Variants in MYO9B observed in about 807,000 individuals in gnomAD.
The protein encoded by MYO9B is myosin IXB.
In MYO9B, 71 loss-of-function variants were observed where a neutral mutation model predicts 229.5. The ratio of observed to expected loss-of-function variants is 0.31; its 90% confidence interval spans 0.26 to 0.38. The LOEUF (loss-of-function observed/expected upper bound fraction) is 0.38, where lower values mean the gene tolerates loss of function less well. Ranked by LOEUF, MYO9B falls within the 10% of genes least tolerant of loss-of-function variation. The probability of loss-of-function intolerance (pLI) is 1.00; values close to 1 mark genes in which losing one functional copy is unlikely to be tolerated. For synonymous variants in MYO9B, 1,185 were observed against 1,235.8 expected, an observed-to-expected ratio of 0.96 and a Z score of 0.86; for missense variants, 2,255 against 2,920.5, an observed-to-expected ratio of 0.77 and a Z score of 5.25.
At chr19:17,207,808 C>G (rs537278881) in intron 35 of MYO9B, 3 of 151,968 alleles carry the variant, frequency 2.0e-5, no homozygotes, top group African/African-American at 7.3e-5. Context: ...GTCGGGAGTT[C>G]GAGACGAGCC....
intron 20 of MYO9B, 27 bp from the exon 21 acceptor site, chr19:17,192,719 G>T: frequency 6.7e-7 from 1 of 1,496,352 alleles, no homozygotes; most frequent in South Asian, 1.3e-5. Context: ...CAGTGCAGCT[G>T]ACCCCACCTG....
rs759327014 is a variant in MYO9B, at chr19:17,206,059, C to T, written c.5164C>T (p.His1722Tyr). ...CATCGTGCTGGAGAAGCTCCTGGAACACGTGGAGATGCACGGCCTGTACAC... is the reference window on the plus strand; with the variant it reads ...CATCGTGCTGGAGAAGCTCCTGGAATACGTGGAGATGCACGGCCTGTACAC... ...VPIVLEKLLE[H>Y]VEMHGLYTEG... Residue 1722 changes from histidine to tyrosine, a missense_variant, in exon 32 of 40, where the codon CAC (histidine) becomes TAC (tyrosine). Physicochemically the swap from His to Tyr is moderately conservative, Grantham distance 83 (BLOSUM62 2). Coordinates refer to ENST00000682292, the MANE Select transcript of MYO9B (RefSeq NM_004145.4). The T allele has an allele frequency of 1.2e-6, 2 of 1,610,948 alleles. No homozygotes were observed.
At chr19:17,146,863 A>C (rs2072417479) in intron 3 of MYO9B, among the ~76,000 whole-genome samples, 2 of 152,168 alleles carry the variant, frequency 1.3e-5, no homozygotes, top group Non-Finnish European at 2.9e-5. Context: ...CTGCTGTGTC[A>C]ATGGGATTTG....
chr19:17,112,962 C>T (rs1045961506), intron 2 of MYO9B, among the ~76,000 whole-genome samples: 5 of 152,220 alleles, frequency 3.3e-5, no homozygotes, highest in Non-Finnish European at 7.3e-5. Flanking sequence ...GGGCATAGGC[C>T]ACAGACCGGA....
At chr19:17,092,959 ATG>A (rs2057652899) in intron 1 of MYO9B, among the ~76,000 whole-genome samples, 2 of 146,844 alleles carry the variant, frequency 1.4e-5, no homozygotes, top group Admixed American at 6.9e-5. Context: ...GTGTATTCAC[ATG>A]TGTTTCCTCT....
rs200852932 is a variant in MYO9B, at chr19:17,184,821, G to A, written c.2374-44G>A. The A allele has an allele frequency of 2.4e-4, 380 of 1,611,698 alleles. No homozygotes were observed. The African/African-American group carries it at 4.3e-3, about 18-fold the overall frequency. ...ACCTGTGATGCCTCCCCGTGCCCGT[G>A]TGGGCTGTGGGAGGGCAGGCCGGAC... On this transcript the variant is annotated intron_variant, in intron 16 of 39. Transcript: ENST00000682292.
chr19:17,210,841 G>A lies in MYO9B; in HGVS notation c.5923G>A (p.Glu1975Lys), dbSNP rs1489911107. The change falls in exon 38 of 40, where the codon GAG (glutamate) becomes AAG (lysine). Residue 1975 changes from glutamate (E) to lysine (K), a missense_variant. By Grantham distance (56) the Glu-to-Lys change is moderately conservative (BLOSUM62 1). Around this residue, in one of 7 missense-constraint regions of MYO9B, gnomAD observed 331 missense variants for 332.5 expected, o/e 1.00. Coordinates refer to ENST00000682292, the MANE Select transcript of MYO9B (RefSeq NM_004145.4). ...ILIERIQSIK[E>K]EKEDITYRLP... The stretch of plus-strand genomic sequence containing the variant: ...CATTGAACGGATCCAGTCCATCAAG[G>A]AGGAGAAGCAAGTGGCTCAGTCCCC... 5.0e-6 allele frequency: 8 copies of A among 1,598,882 alleles called. No homozygotes were observed. The highest frequency in any genetic ancestry group is 6.8e-6 in the Non-Finnish European group (8 of 1,173,230).
intron 1 of MYO9B, among the ~76,000 whole-genome samples, chr19:17,096,805 A>G (rs1349146967): frequency 4.1e-5 from 6 of 148,082 alleles, no homozygotes; most frequent in Non-Finnish European, 3.0e-5. Context: ...TTCCGGGTTC[A>G]CGCCATTCTC....
Position 17,210,390 on chromosome 19 carries a change from C to T in MYO9B, c.5796+10C>T, listed in dbSNP as rs368933477. 15 of 1,588,958 alleles carry T rather than the reference C, an allele frequency of 9.4e-6. No homozygotes were observed. In the Admixed American group the frequency reaches 1.1e-4, roughly 11 times the overall value. The stretch of plus-strand genomic sequence containing the variant: ...CTATGAGGGGGTCCTGGTATGTACG[C>T]GTTCGGTGGGCCCGCGGTGCATGTC... On this transcript the variant is annotated intron_variant, in intron 37 of 39. Coordinates refer to ENST00000682292, the MANE Select transcript of MYO9B (RefSeq NM_004145.4).
intron 11 of MYO9B, among the ~76,000 whole-genome samples, chr19:17,170,440 C>T (rs1279016607): frequency 3.3e-5 from 5 of 151,988 alleles, no homozygotes; most frequent in Non-Finnish European, 1.5e-5. Context: ...CATCCCCTGC[C>T]TCAAACCTAG....
At chr19:17,205,164 A>AAAG (rs71334683) in intron 30 of MYO9B, 99 bp from the exon 31 acceptor site, 209,545 of 723,300 alleles carry the variant, frequency 0.29, 23,458 homozygotes, top group African/African-American at 0.6. Flanking sequence ...AAAAAAAAAA[A>AAAG]AAGAAGGCAA....
chr19:17,178,142 G>T (rs967122937), intron 14 of MYO9B, among the ~76,000 whole-genome samples: 2 of 152,208 alleles, frequency 1.3e-5, no homozygotes, highest in Admixed American at 1.3e-4. Context: ...AAGGCCACTC[G>T]CATATAGAGG....
chr19:17,141,014 GA>G (rs1417117973), intron 2 of MYO9B, among the ~76,000 whole-genome samples: 7 of 151,146 alleles, frequency 4.6e-5, no homozygotes, highest in Non-Finnish European at 1.0e-4. Flanking sequence ...TGAAGCACGA[GA>G]ATCACTTGAA....
At chr19:17,148,204 C>G (rs1378718413) in intron 3 of MYO9B, among the ~76,000 whole-genome samples, 1 of 152,176 alleles carries the variant, frequency 6.6e-6, no homozygotes, top group Non-Finnish European at 1.5e-5. Flanking sequence ...ACTGTTGCTA[C>G]AGTTCCATGC....
chr19:17,162,432 T>C lies in MYO9B; in HGVS notation c.1502T>C (p.Leu501Pro), dbSNP rs1421363737. The change falls in exon 9 of 40, where the codon CTC becomes CCC. Residue 501 changes from leucine to proline, a missense_variant. By Grantham distance (98) the Leu-to-Pro change is moderately conservative. This residue lies in a region of MYO9B where 220 missense variants were observed against 404.5 expected (regional missense o/e 0.54). Coordinates refer to ENST00000682292, the MANE Select transcript of MYO9B (RefSeq NM_004145.4). ...DWIVLRINHA[L>P]LNKKDVEEAV... ...ATTGTGCTGCGGATCAACCACGCAC[T>C]CCTCAACAAGAAGGACGTGGAAGAG... is the stretch of plus-strand genomic sequence containing the variant. 2 of 1,581,660 alleles carry C rather than the reference T, an allele frequency of 1.3e-6. No individual in the cohort carries two copies. The highest frequency in any genetic ancestry group is 2.7e-5 in the African/African-American group (2 of 74,038).
intron 2 of MYO9B, among the ~76,000 whole-genome samples, chr19:17,114,916 CT>C (rs2057885859): frequency 7.1e-6 from 1 of 141,024 alleles, no homozygotes; most frequent in Admixed American, 7.2e-5. Flanking sequence ...CCCCCAGTTG[CT>C]TTTCCCCTTT....
Position 17,197,788 on chromosome 19 carries a change from G to T in MYO9B, c.4047-4G>T, listed in dbSNP as rs759038402. ...GTAAAAGCCATGTTTCTGTGATCTC[G>T]CAGGGAGAGGCGCACCTCCTTCTCC... On this transcript the variant is annotated splice_polypyrimidine_tract_variant and splice_region_variant and intron_variant, in intron 22 of 39. Coordinates refer to ENST00000682292, the MANE Select transcript of MYO9B (RefSeq NM_004145.4). 1.1e-5 allele frequency: 17 copies of T among 1,613,740 alleles called. No homozygotes were observed. The highest frequency in any genetic ancestry group is 1.4e-5 in the Non-Finnish European group (16 of 1,179,844).
chr19:17,087,687 T>C (rs2057596481), intron 1 of MYO9B, among the ~76,000 whole-genome samples: 2 of 151,854 alleles, frequency 1.3e-5, no homozygotes, highest in Admixed American at 6.5e-5. Flanking sequence ...CACAATACTT[T>C]GGGAGGCCGA....
chr19:17,169,245 G>A (rs902149747), intron 11 of MYO9B, among the ~76,000 whole-genome samples: 14 of 151,704 alleles, frequency 9.2e-5, no homozygotes, highest in Admixed American at 6.6e-4. Flanking sequence ...GGTGACAGGC[G>A]CCTGTAATCC....
Sources: gnomAD v4.1 joint callset for allele counts (sites outside exome capture counted in the v4.1 genomes callset) on GRCh38, gnomAD v4.1.1 for gene constraint, gnomAD v4.1.1 regional missense constraint, MANE v1.5 for transcripts, NCBI Gene and HGNC (gene_info 2026-07-23, HGNC 2026-07-21) for gene names.